The following LMO3 variants were observed in gnomAD, a reference collection of about 807,000 sequenced individuals.
LMO3 encodes the protein LIM domain only 3, also known as LIM domain only protein 3.
In LMO3, 2 loss-of-function variants were observed where a neutral mutation model predicts 15.8. The observed-to-expected ratio is 0.13, with a 90% CI of 0.05 to 0.40. LMO3 has a LOEUF of 0.40. Among genes scored for constraint, LMO3 ranks in the 10% least tolerant of loss-of-function variants. The pLI is 0.99. For synonymous variants in LMO3, 62 were observed against 63.8 expected (o/e 0.97, Z 0.13); for missense variants, 86 against 182.2 (o/e 0.47, Z 3.04).
chr12:16,590,603 T>TA (rs1285946453), intron 2 of LMO3, among the ~76,000 whole-genome samples: 1,829 of 148,012 alleles, frequency 0.012, 35 homozygotes, highest in African/African-American at 0.043. Flanking sequence ...ACCTAAGAAT[T>TA]AAAAAAAAAA....
intron 2 of LMO3, among the ~76,000 whole-genome samples, chr12:16,561,541 G>A (rs943254482): frequency 1.3e-5 from 2 of 152,070 alleles, no homozygotes; most frequent in Admixed American, 6.5e-5. Context: ...GAATTCAAAG[G>A]TGCTATAGAG....
chr12:16,581,874 A>G (rs1211171796), intron 2 of LMO3, among the ~76,000 whole-genome samples: 1 of 152,068 alleles, frequency 6.6e-6, no homozygotes, highest in Non-Finnish European at 1.5e-5. Context: ...AAAACTATAA[A>G]TTTGATTTAC....
intron 3 of LMO3, among the ~76,000 whole-genome samples, chr12:16,556,599 A>G (rs938134570): frequency 6.6e-6 from 1 of 152,246 alleles, no homozygotes; most frequent in Non-Finnish European, 1.5e-5. Flanking sequence ...TTAAGAGAAA[A>G]TGCCTATGAA....
In LMO3 at chr12:16,585,165, A is replaced by G. The variant is rs1943278708; in HGVS notation, c.206+15490T>C. ...TGGCGCATGCAAGCCCCAGTTCACA[A>G]CGTTATTTTTCCTTCCAGACTCCGG... On this transcript the variant is annotated intron_variant, in intron 2 of 3. Transcript: ENST00000537304. The surrounding 1 kb of genome is among the most constrained non-coding windows in gnomAD (Gnocchi z 4.7). Among the ~76,000 whole-genome samples, 1 of 152,158 alleles carries G rather than the reference A, an allele frequency of 6.6e-6. No individual in the cohort carries two copies. The highest frequency in any genetic ancestry group is 6.6e-5 in the Admixed American group (1 of 15,258).
Position 16,589,599 on chromosome 12 carries a change from C to G in LMO3, c.206+11056G>C, listed in dbSNP as rs1943426897. ...ATATTTAATCAAATAAGCACATCAT[C>G]TCTATTATAAAGACAGTGGTTTGTT... On this transcript the variant is annotated intron_variant, in intron 2 of 3. Coordinates refer to ENST00000537304, the MANE Select transcript of LMO3 (RefSeq NM_018640.5). The surrounding 1 kb of genome is among the most constrained non-coding windows in gnomAD (Gnocchi z 4.2). 1 of 152,062 alleles carries G rather than the reference C, an allele frequency of 6.6e-6. No individual in the cohort carries two copies. The highest frequency in any genetic ancestry group is 2.1e-4 in the South Asian group (1 of 4,830). The allele number at this position is 152,062 out of a possible 1,614,324, so 9.4% of individuals were successfully genotyped here.
At position 16,589,121 on chromosome 12, in the gene LMO3, A is replaced by C. The variant is rs1352869117; in HGVS notation, c.206+11534T>G. On this transcript the variant is annotated intron_variant, in intron 2 of 3. Coordinates refer to ENST00000537304, the MANE Select transcript of LMO3 (RefSeq NM_018640.5). This position sits in a 1 kb window ranked among gnomAD's most constrained non-coding sequence, Gnocchi z 4.2. ...CGTGATGCAACCTGACATGCCTCTA[A>C]GATCTACGAATTAGATGTAACCTCA... 6.6e-6 allele frequency among the ~76,000 whole-genome samples: 1 copy of C among 152,148 alleles called. No individual in the cohort carries two copies. The highest frequency in any genetic ancestry group is 1.5e-5 in the Non-Finnish European group (1 of 68,006).
Position 16,554,791 on chromosome 12 carries a change from T to G in LMO3, c.333-3464A>C, listed in dbSNP as rs533345399. Among the ~76,000 whole-genome samples the G allele has an allele frequency of 1.7e-3, 259 of 152,294 alleles. 1 individual carries two copies. The highest frequency in any genetic ancestry group is 5.9e-3 in the African/African-American group (246 of 41,586). ...CCTGCCTCAGCCTCCCCAGTAGCTC[T>G]GACTACAGGCGCCCGCCACCTCGAC... On this transcript the variant is annotated intron_variant, in intron 3 of 3. Coordinates refer to ENST00000537304, the MANE Select transcript of LMO3 (RefSeq NM_018640.5).
chr12:16,551,139 T>C lies in LMO3; in HGVS notation c.*83A>G. 1 of 883,978 alleles carries C rather than the reference T, an allele frequency of 1.1e-6. No homozygotes were observed. 54.8% of individuals were successfully genotyped at this position (883,978 alleles called of 1,614,324 possible). A position where few individuals can be genotyped will look rare whatever the true frequency, so the allele number is the denominator to read the frequency against. On this transcript the variant is annotated 3_prime_UTR_variant, in exon 4 of 4. Transcript: ENST00000537304. Reference sequence around the variant, plus strand: ...ATATCTACGCTATTCAGTAGGTTCCTGTGTCAATTCTTATGTACATGTGGA... The same window carrying C: ...ATATCTACGCTATTCAGTAGGTTCCCGTGTCAATTCTTATGTACATGTGGA...
At chr12:16,590,845 A>T (rs1033509191) in intron 2 of LMO3, among the ~76,000 whole-genome samples, 3 of 152,080 alleles carry the variant, frequency 2.0e-5, no homozygotes, top group African/African-American at 4.8e-5. Flanking sequence ...GCAACAGATC[A>T]TCACGTGACC....
intron 2 of LMO3, among the ~76,000 whole-genome samples, chr12:16,592,215 T>C (rs1383102871): frequency 1.3e-5 from 2 of 152,058 alleles, no homozygotes; most frequent in African/African-American, 4.8e-5. Flanking sequence ...AATGGTTTCA[T>C]TGTAGAACTT....
intron 2 of LMO3, chr12:16,573,498 T>C (rs1432563173): frequency 6.6e-6 from 1 of 152,178 alleles, no homozygotes; most frequent in Non-Finnish European, 1.5e-5. Flanking sequence ...TAGTTATCTC[T>C]TTTTACTCTC....
intron 2 of LMO3, among the ~76,000 whole-genome samples, chr12:16,566,018 ATATATATATATATATATATAT>A (rs1942592262): frequency 1.2e-5 from 1 of 85,836 alleles, no homozygotes; most frequent in Non-Finnish European, 2.4e-5. Context: ...ATATATATAT[ATATATATATATATATATATAT>A]AAAATGGAGT....
Position 16,601,037 on chromosome 12 carries a change from A to G in LMO3, c.-8-169T>C, listed in dbSNP as rs551696936. The stretch of plus-strand genomic sequence containing the variant: ...TTGGAAACAAAAAGTCTCAAACTTT[A>G]TCAAGTGCTTATTAAATCATTCAAA... On this transcript the variant is annotated intron_variant, in intron 1 of 3. Transcript: ENST00000537304. Among the ~76,000 whole-genome samples the G allele has an allele frequency of 1.1e-4, 16 of 152,354 alleles. No homozygotes were observed. In the South Asian group the frequency reaches 3.3e-3, roughly 32 times the overall value.
chr12:16,561,042 G>T (rs906918735), intron 2 of LMO3, among the ~76,000 whole-genome samples: 17 of 152,134 alleles, frequency 1.1e-4, no homozygotes, highest in African/African-American at 4.1e-4. Context: ...GCGCATGCAT[G>T]CACCTTATGG....
At position 16,560,010 on chromosome 12, in the gene LMO3, A is replaced by T. The variant is rs1942334841; in HGVS notation, c.332+403T>A. On this transcript the variant is annotated intron_variant, in intron 3 of 3. Coordinates refer to ENST00000537304, the MANE Select transcript of LMO3 (RefSeq NM_018640.5). The surrounding 1 kb of genome is among the most constrained non-coding windows in gnomAD (Gnocchi z 5.0). ...GGGATAAGGAATTTAAAATATAAAA[A>T]ATAATAAGAATATAAAATACCTGCA... Among the ~76,000 whole-genome samples the T allele has an allele frequency of 6.6e-6, 1 of 152,078 alleles. No homozygotes were observed. The highest frequency in any genetic ancestry group is 2.1e-4 in the South Asian group (1 of 4,822).
rs916793257 is a variant in LMO3 at position 16,559,729 on chromosome 12, T to C, written c.332+684A>G. 2.0e-5 allele frequency among the ~76,000 whole-genome samples: 3 copies of C among 151,726 alleles called. No individual in the cohort carries two copies. Among genetic ancestry groups the C allele is most frequent in the Admixed American group, 2.0e-4 (3 of 15,212 alleles). The stretch of plus-strand genomic sequence containing the variant: ...ACTTTGGGAGGTGGAGGTGGGAGGA[T>C]TGCTTGAGGCCAGGAGTTTGAGACC... On this transcript the variant is annotated intron_variant, in intron 3 of 3. Coordinates refer to ENST00000537304, the MANE Select transcript of LMO3 (RefSeq NM_018640.5). This position sits in a 1 kb window ranked among gnomAD's most constrained non-coding sequence, Gnocchi z 4.1.
intron 3 of LMO3, among the ~76,000 whole-genome samples, chr12:16,557,045 G>A (rs1192699325): frequency 6.6e-6 from 1 of 152,158 alleles, no homozygotes; most frequent in Non-Finnish European, 1.5e-5. Flanking sequence ...GAGTTCTCCT[G>A]AGGAGACAGA....
intron 1 of LMO3, chr12:16,601,778 A>G (rs903000779): frequency 6.6e-6 from 1 of 152,174 alleles, no homozygotes; most frequent in African/African-American, 2.4e-5. Context: ...GTATAAATCC[A>G]TCATAAATAA....
At chr12:16,605,497 T>A in intron 1 of LMO3, 1 of 380,088 alleles carries the variant, frequency 2.6e-6, no homozygotes, top group Non-Finnish European at 3.6e-6. Context: ...GGAACAACAT[T>A]TTGTTATTAT....
Sources: allele counts gnomAD v4.1 joint callset (sites outside exome capture counted in the v4.1 genomes callset), GRCh38; gene constraint gnomAD v4.1.1; non-coding constraint Gnocchi (gnomAD v3.1); transcripts MANE v1.5; gene names NCBI Gene and HGNC (gene_info 2026-07-23, HGNC 2026-07-21).